NPR3: variants seen among roughly 807,000 people sequenced by gnomAD.
NPR3 encodes atrial natriuretic peptide receptor 3.
A neutral mutation model predicts 54.5 loss-of-function variants in NPR3; 34 were observed. The observed-to-expected ratio is 0.62, with a 90% CI of 0.47 to 0.83. The LOEUF is 0.83. Among genes scored for constraint, NPR3 ranks in the 40% least tolerant of loss-of-function variants. The pLI, the probability that NPR3 is intolerant of heterozygous loss-of-function variation, is 0.00. For missense variants in NPR3, 674 were observed against 720.8 expected (o/e 0.94, Z 0.74); for synonymous variants, 289 against 297.1 (o/e 0.97, Z 0.28).
chr5:32,781,983 A>G (rs180694747), intron 5 of NPR3, among the ~76,000 whole-genome samples: 1 of 152,334 alleles, frequency 6.6e-6, no homozygotes, highest in East Asian at 1.9e-4. Flanking sequence ...CAGACAAAAG[A>G]GAAATGACTT....
intron 1 of NPR3, among the ~76,000 whole-genome samples, chr5:32,702,367 T>A (rs1737845902): frequency 6.6e-6 from 1 of 151,656 alleles, no homozygotes; most frequent in African/African-American, 2.4e-5. Context: ...CAATAACTCG[T>A]CATTTAGCAG....
At chr5:32,751,118 G>A (rs1367449952) in intron 3 of NPR3, among the ~76,000 whole-genome samples, 4 of 151,862 alleles carry the variant, frequency 2.6e-5, no homozygotes, top group Admixed American at 2.6e-4. Flanking sequence ...AAAAATTGAG[G>A]TGACTCAATT....
rs562098627 is a variant in NPR3, at chr5:32,756,101, C to T, written c.1059+17071C>T. On this transcript the variant is annotated intron_variant, in intron 3 of 7. Coordinates refer to ENST00000265074, the MANE Select transcript of NPR3 (RefSeq NM_001204375.2). Reference sequence around the variant, plus strand: ...CCTTTATAGCAGCATGATTTATAATCTTTGGGTATATACCCAGTAATGGGA... The same window carrying T: ...CCTTTATAGCAGCATGATTTATAATTTTTGGGTATATACCCAGTAATGGGA... Among the ~76,000 whole-genome samples, 66 of 152,306 alleles carry T rather than the reference C, an allele frequency of 4.3e-4. No homozygotes were observed. In the South Asian group the frequency reaches 0.013, roughly 29 times the overall value.
At chr5:32,691,716 C>T (rs1316400624) in intron 1 of NPR3, among the ~76,000 whole-genome samples, 2 of 152,152 alleles carry the variant, frequency 1.3e-5, no homozygotes, top group South Asian at 2.1e-4. Context: ...AAACATGTAT[C>T]CCAGGAAAAT....
chr5:32,783,797 G>A (rs1237231916), intron 6 of NPR3, among the ~76,000 whole-genome samples: 1 of 152,148 alleles, frequency 6.6e-6, no homozygotes, highest in Non-Finnish European at 1.5e-5. Flanking sequence ...GTGACCCTAG[G>A]AGTCTTCCTT....
chr5:32,692,147 C>G (rs1487619738), intron 1 of NPR3, among the ~76,000 whole-genome samples: 1 of 151,980 alleles, frequency 6.6e-6, no homozygotes, highest in Non-Finnish European at 1.5e-5. Context: ...GAGGATATAG[C>G]TAATTAAACA....
intron 3 of NPR3, among the ~76,000 whole-genome samples, chr5:32,752,240 AAAAC>A (rs1165378684): frequency 2.3e-5 from 3 of 127,786 alleles, no homozygotes; most frequent in African/African-American, 9.3e-5. Context: ...AACAAAAACA[AAAAC>A]AAAAACAGAA....
intron 3 of NPR3, among the ~76,000 whole-genome samples, chr5:32,760,657 A>G (rs191359099): frequency 6.7e-6 from 1 of 149,380 alleles, no homozygotes; most frequent in East Asian, 1.9e-4. Context: ...GCGCTTTTTG[A>G]TGAGCAGTGG....
Position 32,789,591 on chromosome 5 carries a change from G to A in NPR3, c.*3246G>A. The A allele has an allele frequency of 9.4e-6, 5 of 534,658 alleles. No individual in the cohort carries two copies. Among genetic ancestry groups the A allele is most frequent in the South Asian group, 5.6e-5 (4 of 71,590 alleles). 33.1% of individuals were successfully genotyped at this position (534,658 alleles called of 1,614,324 possible). On this transcript the variant is annotated 3_prime_UTR_variant, in exon 8 of 8. Transcript: ENST00000265074. ...TCTCCTTTCTCTTAAATTCAAAGAC[G>A]TTTGCTTTGGAATGCCCTCACTTCT...
chr5:32,774,091 G>A (rs1179684614), intron 3 of NPR3, among the ~76,000 whole-genome samples: 1 of 152,130 alleles, frequency 6.6e-6, no homozygotes, highest in Non-Finnish European at 1.5e-5. Flanking sequence ...GTAGGGATAG[G>A]GAGTGGTTAG....
Position 32,791,436 on chromosome 5 carries a change from T to C in NPR3, c.*5091T>C, listed in dbSNP as rs1421253953. 6.0e-6 allele frequency: 1 copy of C among 167,130 alleles called. No homozygotes were observed. The highest frequency in any genetic ancestry group is 1.5e-5 in the Non-Finnish European group (1 of 68,124). The allele number at this position is 167,130 out of a possible 1,614,324, so 10.4% of individuals were successfully genotyped here. Reference sequence around the variant, plus strand: ...AAAGTAAAAGTAAAAGCTGCACACGTTACATACTGTTTATTGTTCTAATGT... The same window carrying C: ...AAAGTAAAAGTAAAAGCTGCACACGCTACATACTGTTTATTGTTCTAATGT... On this transcript the variant is annotated 3_prime_UTR_variant, in exon 8 of 8. Coordinates refer to ENST00000265074, the MANE Select transcript of NPR3 (RefSeq NM_001204375.2).
chr5:32,705,443 A>C (rs1737961950), upstream of NPR3, among the ~76,000 whole-genome samples: 1 of 152,272 alleles, frequency 6.6e-6, no homozygotes, highest in South Asian at 2.1e-4. Context: ...CTGTACAGGA[A>C]GCAGGATGAT....
chr5:32,739,408 T>C (rs1266573214), intron 3 of NPR3, among the ~76,000 whole-genome samples: 1 of 152,152 alleles, frequency 6.6e-6, no homozygotes, highest in South Asian at 2.1e-4. Flanking sequence ...GCCAAAGATT[T>C]GCATGCCTAA....
intron 3 of NPR3, among the ~76,000 whole-genome samples, chr5:32,762,817 C>A (rs1326103382): frequency 6.6e-6 from 1 of 152,154 alleles, no homozygotes; most frequent in Admixed American, 6.5e-5. Flanking sequence ...TTTTGCTGTG[C>A]AGAAGGTCTT....
chr5:32,718,380 G>T (rs1738666579), intron 1 of NPR3, among the ~76,000 whole-genome samples: 2 of 152,220 alleles, frequency 1.3e-5, no homozygotes, highest in Admixed American at 1.3e-4. Context: ...TGTGAAGAAA[G>T]TCATTTGTAG....
chr5:32,727,899 T>A (rs1197256603), intron 2 of NPR3, among the ~76,000 whole-genome samples: 1 of 152,248 alleles, frequency 6.6e-6, no homozygotes, highest in Non-Finnish European at 1.5e-5. Flanking sequence ...GGTGATACTT[T>A]AAATTTTGAC....
At chr5:32,703,022 G>A (rs1179224699) in intron 1 of NPR3, among the ~76,000 whole-genome samples, 1 of 152,144 alleles carries the variant, frequency 6.6e-6, no homozygotes. Flanking sequence ...GTGATGGTGA[G>A]CATTTTTTCA....
At chr5:32,770,174 G>T (rs545917330) in intron 3 of NPR3, among the ~76,000 whole-genome samples, 1 of 152,234 alleles carries the variant, frequency 6.6e-6, no homozygotes, top group South Asian at 2.1e-4. Flanking sequence ...GCTCATGCCT[G>T]TGATCCCAGC....
chr5:32,706,380 C>G (rs1383915209), upstream of NPR3, among the ~76,000 whole-genome samples: 1 of 152,158 alleles, frequency 6.6e-6, no homozygotes, highest in Non-Finnish European at 1.5e-5. Context: ...GGGGATGAAA[C>G]ACTGCTTTAC....
Sources: gnomAD v4.1 joint callset for allele counts (sites outside exome capture counted in the v4.1 genomes callset) on GRCh38, gnomAD v4.1.1 for gene constraint, MANE v1.5 for transcripts, NCBI Gene and HGNC (gene_info 2026-07-23, HGNC 2026-07-21) for gene names.